VPS26C: variants seen among roughly 807,000 people sequenced by gnomAD.
VPS26C encodes VPS26 endosomal protein sorting factor C.
In VPS26C, 19 loss-of-function variants were observed where a neutral mutation model predicts 30.6. That is an observed-to-expected ratio of 0.62 (90% CI 0.43 to 0.91). The LOEUF (loss-of-function observed/expected upper bound fraction) is 0.91, where lower values mean the gene tolerates loss of function less well. VPS26C is among the 40% of genes least tolerant of loss of function. The probability of loss-of-function intolerance (pLI) is 0.00; values close to 1 mark genes in which losing one functional copy is unlikely to be tolerated. For missense variants in VPS26C, 318 were observed against 385.1 expected (o/e 0.83, Z 1.46); for synonymous variants, 132 against 151.5 (o/e 0.87, Z 0.95).
At chr21:37,248,635 C>A (rs2086161212) in intron 1 of VPS26C, among the ~76,000 whole-genome samples, 1 of 151,304 alleles carries the variant, frequency 6.6e-6, no homozygotes, top group Non-Finnish European at 1.5e-5. Context: ...CCGACAGCTT[C>A]ACAGGAGATC....
intron 1 of VPS26C, chr21:37,261,845 C>T (rs140220912): frequency 6.6e-6 from 1 of 151,892 alleles, no homozygotes; most frequent in African/African-American, 2.4e-5. Flanking sequence ...GGGTCTTCTC[C>T]CAGAATCTAG....
At chr21:37,267,613 T>C (rs1602295901), upstream of VPS26C, 1 of 382,610 alleles carries the variant, frequency 2.6e-6, no homozygotes, top group South Asian at 3.4e-5. Context: ...AATGCTCCTT[T>C]GCTGTCCGGG....
chr21:37,244,325 C>T lies in VPS26C; in HGVS notation c.58-3686G>A, dbSNP rs552166337. Among the ~76,000 whole-genome samples, 3 of 152,364 alleles carry T rather than the reference C, an allele frequency of 2.0e-5. No individual in the cohort carries two copies. The South Asian group carries it at 6.2e-4, about 32-fold the overall frequency. Reference sequence around the variant, plus strand: ...GTGCAGCGGCACGCTGCAACCTCCGCCTCCTGGGTTCAAGCAATTCTCCTG... The same window carrying T: ...GTGCAGCGGCACGCTGCAACCTCCGTCTCCTGGGTTCAAGCAATTCTCCTG... On this transcript the variant is annotated intron_variant, in intron 1 of 7. Transcript: ENST00000309117.
intron 1 of VPS26C, among the ~76,000 whole-genome samples, chr21:37,249,181 A>G (rs1037900435): frequency 2.6e-5 from 4 of 152,234 alleles, no homozygotes; most frequent in African/African-American, 9.6e-5. Context: ...GATGTCCACT[A>G]TCACCACAAT....
chr21:37,240,487 C>T lies in VPS26C; in HGVS notation c.201+9G>A. ...ACTAAAAACTTGCAATCTAAGCATT[C>T]TTTCTTACCTTAACAGAATTATAAA... On this transcript the variant is annotated intron_variant, in intron 2 of 7. Coordinates refer to ENST00000309117, the MANE Select transcript of VPS26C (RefSeq NM_006052.2). The T allele has an allele frequency of 1.2e-6, 2 of 1,613,388 alleles. No individual in the cohort carries two copies. Among genetic ancestry groups the T allele is most frequent in the Non-Finnish European group, 1.7e-6 (2 of 1,179,802 alleles).
At chr21:37,241,829 A>G (rs2086090954) in intron 1 of VPS26C, among the ~76,000 whole-genome samples, 1 of 152,216 alleles carries the variant, frequency 6.6e-6, no homozygotes, top group African/African-American at 2.4e-5. Flanking sequence ...CTCAAAAATA[A>G]ACAGTAAAAA....
rs1364627138 is a variant in VPS26C, at chr21:37,257,533, A to G, written c.57+9705T>C. ...GGTGGGGGTGTAGCCACATGCAGTA[A>G]AAGCACTGCCTGTCTGTATAACAAC... On this transcript the variant is annotated intron_variant, in intron 1 of 7. Transcript: ENST00000309117. The surrounding 1 kb of genome is among the most constrained non-coding windows in gnomAD (Gnocchi z 4.2). Among the ~76,000 whole-genome samples the G allele has an allele frequency of 6.6e-6, 1 of 152,242 alleles. No individual in the cohort carries two copies. The highest frequency in any genetic ancestry group is 2.4e-5 in the African/African-American group (1 of 41,454).
At chr21:37,253,894 A>G (rs533255105) in intron 1 of VPS26C, among the ~76,000 whole-genome samples, 1 of 152,340 alleles carries the variant, frequency 6.6e-6, no homozygotes, top group East Asian at 1.9e-4. Flanking sequence ...CAAATCTGAA[A>G]AAATTCCAAA....
intron 3 of VPS26C, among the ~76,000 whole-genome samples, chr21:37,235,875 ATATATTT>A (rs1352029104): frequency 3.3e-4 from 5 of 15,088 alleles, no homozygotes; most frequent in African/African-American, 1.3e-3. Flanking sequence ...ATATATATAT[ATATATTT>A]TTTTTTTTAA....
intron 1 of VPS26C, among the ~76,000 whole-genome samples, chr21:37,243,582 A>C (rs2086109122): frequency 6.6e-6 from 1 of 152,172 alleles, no homozygotes; most frequent in Non-Finnish European, 1.5e-5. Flanking sequence ...AGGAATGTGA[A>C]TACTTTTCAG....
At chr21:37,249,686 G>T (rs2086171863) in intron 1 of VPS26C, among the ~76,000 whole-genome samples, 1 of 152,124 alleles carries the variant, frequency 6.6e-6, no homozygotes, top group Non-Finnish European at 1.5e-5. Flanking sequence ...CACCACAATT[G>T]TTTTTCTTTT....
chr21:37,253,117 T>C (rs958696971), intron 1 of VPS26C, among the ~76,000 whole-genome samples: 1 of 152,246 alleles, frequency 6.6e-6, no homozygotes, highest in Non-Finnish European at 1.5e-5. Context: ...AATTGATTAA[T>C]GTTTAAGTAA....
At chr21:37,237,793 C>CA (rs2086040412) in intron 3 of VPS26C, 1 of 152,084 alleles carries the variant, frequency 6.6e-6, no homozygotes, top group Non-Finnish European at 1.5e-5. Context: ...CTTAATAAAT[C>CA]AAAAAAATTC....
At chr21:37,260,887 A>T (rs2148310351) in intron 1 of VPS26C, among the ~76,000 whole-genome samples, 1 of 152,350 alleles carries the variant, frequency 6.6e-6, no homozygotes, top group South Asian at 2.1e-4. Context: ...GATACCTAGA[A>T]TATTATTTAT....
chr21:37,232,728 C>G (rs924374256), intron 4 of VPS26C: 2 of 540,078 alleles, frequency 3.7e-6, no homozygotes, highest in African/African-American at 3.8e-5. Context: ...AGAAACAGAA[C>G]AGTGTTATTG....
intron 6 of VPS26C, 100 bp from the exon 7 acceptor site, chr21:37,227,906 A>G (rs545727774): frequency 6.7e-7 from 1 of 1,485,226 alleles, no homozygotes; most frequent in East Asian, 2.3e-5. Context: ...AGAATCCTCC[A>G]GGGTCCCCTC....
At chr21:37,256,329 A>G (rs996008710) in intron 1 of VPS26C, among the ~76,000 whole-genome samples, 2 of 152,230 alleles carry the variant, frequency 1.3e-5, no homozygotes, top group African/African-American at 4.8e-5. Context: ...TTGGGATGTG[A>G]GGAAGAGTCA....
intron 1 of VPS26C, among the ~76,000 whole-genome samples, chr21:37,259,306 A>G (rs942402442): frequency 6.6e-6 from 1 of 152,008 alleles, no homozygotes; most frequent in African/African-American, 2.4e-5. Flanking sequence ...TTCATAAGAA[A>G]TTACGGGCAT....
At chr21:37,242,589 A>G (rs1194904972) in intron 1 of VPS26C, among the ~76,000 whole-genome samples, 1 of 152,234 alleles carries the variant, frequency 6.6e-6, no homozygotes, top group Non-Finnish European at 1.5e-5. Flanking sequence ...CTGTCTCAAA[A>G]AAAGAAAAAA....
Sources: allele counts gnomAD v4.1 joint callset (sites outside exome capture counted in the v4.1 genomes callset), GRCh38; gene constraint gnomAD v4.1.1; non-coding constraint Gnocchi (gnomAD v3.1); transcripts MANE v1.5; gene names NCBI Gene and HGNC (gene_info 2026-07-23, HGNC 2026-07-21).